CSMD3: variants seen among roughly 807,000 people sequenced by gnomAD.
The protein encoded by CSMD3 is CUB and sushi domain-containing protein 3.
CSMD3 carries 177 observed loss-of-function variants against 435.2 expected under a neutral mutation model. The observed-to-expected ratio is 0.41, with a 90% CI of 0.36 to 0.46. CSMD3 has a LOEUF of 0.46. CSMD3 is among the 20% of genes least tolerant of loss of function. The pLI, the probability that CSMD3 is intolerant of heterozygous loss-of-function variation, is 0.34. For missense variants in CSMD3, 4,265 were observed against 4,504.6 expected (o/e 0.95, Z 1.52); for synonymous variants, 1,656 against 1,520.5 (o/e 1.09, Z -2.07).
chr8:112,779,686 G>A (rs2078335191), intron 13 of CSMD3, among the ~76,000 whole-genome samples: 1 of 152,006 alleles, frequency 6.6e-6, no homozygotes, highest in Non-Finnish European at 1.5e-5. Context: ...ATATAAATAA[G>A]TACCTCTTTG....
At chr8:112,429,414 T>C (rs1044757844) in intron 32 of CSMD3, among the ~76,000 whole-genome samples, 9 of 152,016 alleles carry the variant, frequency 5.9e-5, no homozygotes, top group Non-Finnish European at 1.2e-4. Flanking sequence ...GCATGTGGCA[T>C]TGGGGACACA....
intron 53 of CSMD3, among the ~76,000 whole-genome samples, chr8:112,299,620 C>T (rs143678295): frequency 7.4e-4 from 112 of 152,070 alleles, no homozygotes; most frequent in African/African-American, 2.5e-3. Flanking sequence ...TAATAAAATA[C>T]TAGGAAGGCA....
chr8:113,124,450 T>G lies in CSMD3; in HGVS notation c.710-25487A>C, dbSNP rs555184644. Among the ~76,000 whole-genome samples the G allele has an allele frequency of 1.7e-4, 25 of 150,948 alleles. No homozygotes were observed. In the South Asian group the frequency reaches 4.8e-3, roughly 29 times the overall value. On this transcript the variant is annotated intron_variant, in intron 4 of 70. Transcript: ENST00000297405. ...TTATATAGGAAAAGTTTGATGGGAC[T>G]CTTTCTCATTATATTTCTTAAATAA...
chr8:112,233,156 A>G lies in CSMD3; in HGVS notation c.10740+1209T>C, dbSNP rs142018781. On this transcript the variant is annotated intron_variant, in intron 68 of 70. Transcript: ENST00000297405. ...ATGTTACATTTCAGCAATTCCTACT[A>G]CTAAGTAGTAAAGTGATATATCCTG... Among the ~76,000 whole-genome samples the G allele has an allele frequency of 1.8e-3, 270 of 152,300 alleles. 1 individual carries two copies. Among genetic ancestry groups the G allele is most frequent in the African/African-American group, 6.3e-3 (261 of 41,570 alleles).
chr8:113,289,020 T>C (rs1699018528), intron 2 of CSMD3, among the ~76,000 whole-genome samples: 1 of 151,824 alleles, frequency 6.6e-6, no homozygotes. Context: ...GTGATAACTC[T>C]GGAGCTGGAC....
chr8:112,983,783 G>T (rs2085142013), intron 6 of CSMD3, among the ~76,000 whole-genome samples: 1 of 151,902 alleles, frequency 6.6e-6, no homozygotes, highest in African/African-American at 2.4e-5. Flanking sequence ...ATTATTAACA[G>T]GTCTGGTGTA....
At chr8:113,376,625 T>A in intron 1 of CSMD3, 1 of 1,201,842 alleles carries the variant, frequency 8.3e-7, no homozygotes, top group Non-Finnish European at 1.2e-6. Flanking sequence ...AAAGAAAGTT[T>A]ACCACTCTCT....
At chr8:112,497,268 A>G (rs1402257392) in intron 30 of CSMD3, among the ~76,000 whole-genome samples, 1 of 152,100 alleles carries the variant, frequency 6.6e-6, no homozygotes, top group African/African-American at 2.4e-5. Context: ...AAAGTTAGAT[A>G]GAATGAATAG....
intron 4 of CSMD3, among the ~76,000 whole-genome samples, chr8:113,154,727 A>C (rs984104566): frequency 2.6e-5 from 4 of 152,040 alleles, no homozygotes; most frequent in Non-Finnish European, 4.4e-5. Context: ...GCTACTTCAG[A>C]GCTTTGGTAA....
At chr8:112,951,368 C>T (rs2083803843) in intron 8 of CSMD3, among the ~76,000 whole-genome samples, 2 of 151,714 alleles carry the variant, frequency 1.3e-5, no homozygotes, top group Non-Finnish European at 3.0e-5. Context: ...TTTCTTATGG[C>T]TTCTGATTTT....
chr8:112,575,414 C>T (rs971407111), intron 23 of CSMD3, among the ~76,000 whole-genome samples: 1 of 151,974 alleles, frequency 6.6e-6, no homozygotes, highest in Non-Finnish European at 1.5e-5. Flanking sequence ...AAGTTCAAGG[C>T]GACATGGTCA....
chr8:113,027,592 A>T (rs988980755), intron 5 of CSMD3, among the ~76,000 whole-genome samples: 1 of 152,148 alleles, frequency 6.6e-6, no homozygotes, highest in African/African-American at 2.4e-5. Context: ...GCATGGTTTA[A>T]AAAATAGCAT....
chr8:112,279,796 C>G (rs1335692780), intron 59 of CSMD3, among the ~76,000 whole-genome samples: 1 of 152,134 alleles, frequency 6.6e-6, no homozygotes, highest in Non-Finnish European at 1.5e-5. Context: ...CTATCAATAA[C>G]TGGAAAATAT....
At chr8:113,045,209 T>G (rs951417538) in intron 5 of CSMD3, among the ~76,000 whole-genome samples, 1 of 149,222 alleles carries the variant, frequency 6.7e-6, no homozygotes, top group African/African-American at 2.4e-5. Context: ...AAAAACTGCT[T>G]ATGATACCAA....
intron 4 of CSMD3, among the ~76,000 whole-genome samples, chr8:113,109,459 A>G (rs1278290120): frequency 1.3e-5 from 2 of 152,234 alleles, no homozygotes; most frequent in African/African-American, 4.8e-5. Context: ...TCAGACAGAC[A>G]TAGGATAGAC....
At chr8:112,454,228 C>T (rs965568305) in intron 32 of CSMD3, among the ~76,000 whole-genome samples, 2 of 152,056 alleles carry the variant, frequency 1.3e-5, no homozygotes, top group African/African-American at 4.8e-5. Context: ...GCAGTTGCAA[C>T]AGAAACAAAA....
intron 2 of CSMD3, among the ~76,000 whole-genome samples, chr8:113,308,172 TTAA>T (rs1234639073): frequency 6.6e-6 from 1 of 151,810 alleles, no homozygotes; most frequent in Non-Finnish European, 1.5e-5. Context: ...GTGATTTTTC[TTAA>T]TGATGATTGA....
At chr8:113,152,980 G>GAAAAC (rs1164872982) in intron 4 of CSMD3, among the ~76,000 whole-genome samples, 4 of 103,178 alleles carry the variant, frequency 3.9e-5, no homozygotes, top group East Asian at 5.1e-4. Context: ...GAAAAGAAAA[G>GAAAAC]AAAACAAAAC....
chr8:113,399,399 C>A (rs1163597480), intron 1 of CSMD3, among the ~76,000 whole-genome samples: 1 of 151,426 alleles, frequency 6.6e-6, no homozygotes, highest in Middle Eastern at 3.2e-3. Flanking sequence ...GTTATAACAG[C>A]CAAAAAGTAG....
Sources: allele counts gnomAD v4.1 joint callset (sites outside exome capture counted in the v4.1 genomes callset), GRCh38; gene constraint gnomAD v4.1.1; transcripts MANE v1.5; gene names NCBI Gene and HGNC (gene_info 2026-07-23, HGNC 2026-07-21).